PRDM8: variants seen among roughly 807,000 people sequenced by gnomAD.
PRDM8 encodes the protein PR domain zinc finger protein 8.
A neutral mutation model predicts 46.5 loss-of-function variants in PRDM8; 13 were observed. That is an observed-to-expected ratio of 0.28 (90% CI 0.18 to 0.44). The LOEUF (loss-of-function observed/expected upper bound fraction) is 0.44, where lower values mean the gene tolerates loss of function less well. Among genes scored for constraint, PRDM8 ranks in the 20% least tolerant of loss-of-function variants. The probability of loss-of-function intolerance (pLI) is 1.00; values close to 1 mark genes in which losing one functional copy is unlikely to be tolerated. For synonymous variants in PRDM8, 473 were observed against 438.4 expected, an observed-to-expected ratio of 1.08 and a Z score of -0.98; for missense variants, 998 against 955.0, an observed-to-expected ratio of 1.04 and a Z score of -0.59.
At chr4:80,194,797 G>C (rs116405484), upstream of PRDM8, among the ~76,000 whole-genome samples, 726 of 152,308 alleles carry the variant, frequency 4.8e-3, 6 homozygotes, top group African/African-American at 0.017. Context: ...TGAAGCATCT[G>C]TTGGCCAGAT....
upstream of PRDM8, among the ~76,000 whole-genome samples, chr4:80,193,683 A>AGAGGAAATTAAT (rs1468149880): frequency 6.6e-6 from 1 of 152,118 alleles, no homozygotes; most frequent in Non-Finnish European, 1.5e-5. Flanking sequence ...TTCCTCCCTC[A>AGAGGAAATTAAT]ACCCTCACAG....
At chr4:80,198,980 G>T (rs78061095) in intron 1 of PRDM8, among the ~76,000 whole-genome samples, 2,112 of 103,854 alleles carry the variant, frequency 0.02, 164 homozygotes, top group East Asian at 0.13. Flanking sequence ...GTTTTTTTGG[G>T]TTTTTTTTTT....
upstream of PRDM8, chr4:80,195,936 G>C (rs1163704092): frequency 8.0e-3 from 2,497 of 310,634 alleles, 53 homozygotes; most frequent in African/African-American, 0.062. Flanking sequence ...CACAGAGAGA[G>C]AGAGAGAGAG....
intron 1 of PRDM8, among the ~76,000 whole-genome samples, chr4:80,185,845 A>G (rs1737032689): frequency 6.6e-6 from 1 of 152,184 alleles, no homozygotes; most frequent in African/African-American, 2.4e-5. Context: ...AATTTGCGTC[A>G]TTGCCTTTTA....
intron 2 of PRDM8, 130 bp from the exon 3 acceptor site, chr4:80,201,160 C>T (rs1320791950): frequency 2.4e-6 from 2 of 827,842 alleles, no homozygotes; most frequent in Admixed American, 5.1e-5. Flanking sequence ...CTTTTGGAAG[C>T]GTGGTCTCAG....
chr4:80,198,531 GGATA>G (rs1201491854), intron 1 of PRDM8, among the ~76,000 whole-genome samples: 1 of 152,138 alleles, frequency 6.6e-6, no homozygotes, highest in Non-Finnish European at 1.5e-5. Context: ...AAATGACCAG[GGATA>G]GATGATGCAG....
At chr4:80,201,158 A>G (rs73829244) in intron 2 of PRDM8, 132 bp from the exon 3 acceptor site, 18,639 of 812,324 alleles carry the variant, frequency 0.023, 477 homozygotes, top group East Asian at 0.12. Flanking sequence ...AACTTTTGGA[A>G]GCGTGGTCTC....
chr4:80,197,129 G>A, upstream of PRDM8: 3 of 985,474 alleles, frequency 3.0e-6, no homozygotes, highest in Non-Finnish European at 3.6e-6. Flanking sequence ...AATACGCACG[G>A]GGTCCGCACG....
chr4:80,201,182 A>G, intron 2 of PRDM8, 108 bp from the exon 3 acceptor site: 1 of 1,113,132 alleles, frequency 9.0e-7, no homozygotes, highest in Non-Finnish European at 1.3e-6. Context: ...CAATTTTTGG[A>G]AAAGACTAAC....
chr4:80,186,540 C>T lies in PRDM8; in HGVS notation c.-983+1022C>T, dbSNP rs146603244. Among the ~76,000 whole-genome samples the T allele has an allele frequency of 4.7e-3, 722 of 152,026 alleles. 9 individuals are homozygous for T. The highest frequency in any genetic ancestry group is 0.016 in the African/African-American group (676 of 41,412). On this transcript the variant is annotated intron_variant, in intron 1 of 9. Coordinates refer to the PRDM8 transcript ENST00000339711. ...GAGTTGCTCCCTGCCCTCAAAGAAGCAGCAGCTCTGGGCGGGTAGGGTCTC... is the reference window on the plus strand; with the variant it reads ...GAGTTGCTCCCTGCCCTCAAAGAAGTAGCAGCTCTGGGCGGGTAGGGTCTC...
upstream of PRDM8, chr4:80,197,301 GCTCT>G (rs936165220): frequency 5.1e-6 from 5 of 972,180 alleles, no homozygotes; most frequent in African/African-American, 8.8e-5. Context: ...GGGCCGGGAC[GCTCT>G]CTGAGAGGCG....
At chr4:80,195,231 A>G (rs1478160272), upstream of PRDM8, among the ~76,000 whole-genome samples, 2 of 152,152 alleles carry the variant, frequency 1.3e-5, no homozygotes, top group African/African-American at 4.8e-5. Context: ...TGCTCCTCAC[A>G]CACCATATTG....
intron 1 of PRDM8, among the ~76,000 whole-genome samples, chr4:80,191,071 C>T (rs1183449815): frequency 6.6e-6 from 1 of 152,182 alleles, no homozygotes; most frequent in Non-Finnish European, 1.5e-5. Flanking sequence ...TCCTGTATGA[C>T]TTCACACAAA....
In PRDM8 at chr4:80,200,304, G is replaced by A. The variant is rs1738341860; in HGVS notation, c.219+5G>A. 6.2e-7 allele frequency: 1 copy of A among 1,602,356 alleles called. No individual in the cohort carries two copies. Among genetic ancestry groups the A allele is most frequent in the Non-Finnish European group, 8.5e-7 (1 of 1,169,598 alleles). On this transcript the variant is annotated splice_donor_5th_base_variant and intron_variant, in intron 2 of 3. Transcript: ENST00000415738. ...ACAGTACCGTATATCTTTCGGGTAA[G>A]TCTCCACTGTAGCTGTGTAGGTGTA...
rs1356320616 is a variant in PRDM8, at chr4:80,202,752, G to A, written c.1290G>A (p.Pro430=). Residue 430 remains proline (P), a synonymous_variant, in exon 4 of 4, where the codon CCG becomes CCA. Transcript: ENST00000415738. Reference sequence around the variant, plus strand: ...CCTCCACGCCCGCGGCCGCGTCACCGGTGGGCGCCGAGAAGCTGCTGGCCC... The same window carrying A: ...CCTCCACGCCCGCGGCCGCGTCACCAGTGGGCGCCGAGAAGCTGCTGGCCC... ...GGSSTPAAAS[P]VGAEKLLAPR... is the part of the protein sequence containing the mutation. 7.8e-6 allele frequency: 10 copies of A among 1,282,048 alleles called. No individual in the cohort carries two copies. Among genetic ancestry groups the A allele is most frequent in the Non-Finnish European group, 8.8e-6 (9 of 1,019,864 alleles). 79.4% of individuals were successfully genotyped at this position (1,282,048 alleles called of 1,614,324 possible). A position where few individuals can be genotyped will look rare whatever the true frequency, so the allele number is the denominator to read the frequency against.
Position 80,201,899 on chromosome 4 carries a change from T to C in PRDM8, c.452-15T>C, listed in dbSNP as rs751186666. On this transcript the variant is annotated splice_polypyrimidine_tract_variant and intron_variant, in intron 3 of 3. Transcript: ENST00000415738. ...GTGCGTGCGTGCGTGTGTGTGGTGT[T>C]TGCTCACTAAGCAGGGTCGTCCCCT... The C allele has an allele frequency of 6.3e-5, 101 of 1,613,178 alleles. No homozygotes were observed. The highest frequency in any genetic ancestry group is 1.2e-4 in the Admixed American group (7 of 59,942).
In PRDM8 at chr4:80,203,747, C is replaced by A. The variant is rs1019703417; in HGVS notation, c.*215C>A. 4 of 416,136 alleles carry A rather than the reference C, an allele frequency of 9.6e-6. No individual in the cohort carries two copies. The highest frequency in any genetic ancestry group is 8.8e-5 in the Admixed American group (2 of 22,752). The allele number at this position is 416,136 out of a possible 1,614,324, so 25.8% of individuals were successfully genotyped here. On this transcript the variant is annotated 3_prime_UTR_variant, in exon 4 of 4. Coordinates refer to ENST00000415738, the MANE Select transcript of PRDM8 (RefSeq NM_001099403.2). ...TTTACCCGGGACACACACCCCCCCCCACACACACACACAGACACACTCACA... is the reference window on the plus strand; with the variant it reads ...TTTACCCGGGACACACACCCCCCCCAACACACACACACAGACACACTCACA...
chr4:80,197,045 G>A (rs556842508), upstream of PRDM8: 42 of 985,434 alleles, frequency 4.3e-5, no homozygotes, highest in South Asian at 1.7e-3. Context: ...GCAAATCAGC[G>A]GTGGCTCCAG....
chr4:80,201,859 C>CGTGT lies in PRDM8; in HGVS notation c.452-41_452-38dup, dbSNP rs141824276. ...CGATGCTGAGTAATCATGTGGTGTGCGTGTGTGTGTGTGTGTGCGTGCGTG... is the reference window on the plus strand; with the variant it reads ...CGATGCTGAGTAATCATGTGGTGTGCGTGTGTGTGTGTGTGTGTGTGCGTGCGTG... On this transcript the variant is annotated intron_variant, in intron 3 of 3. Coordinates refer to ENST00000415738, the MANE Select transcript of PRDM8 (RefSeq NM_001099403.2). 1.2e-4 allele frequency: 166 copies of CGTGT among 1,405,342 alleles called. No individual in the cohort carries two copies. In the African/African-American group the frequency reaches 1.2e-3, roughly 10 times the overall value. The allele number at this position is 1,405,342 out of a possible 1,614,324, so 87.1% of individuals were successfully genotyped here.
Sources: allele counts gnomAD v4.1 joint callset (sites outside exome capture counted in the v4.1 genomes callset), GRCh38; gene constraint gnomAD v4.1.1; transcripts MANE v1.5; gene names NCBI Gene and HGNC (gene_info 2026-07-23, HGNC 2026-07-21).